The following ARHGAP24 variants were observed in gnomAD, a reference collection of about 807,000 sequenced individuals.
The protein encoded by ARHGAP24 is rho GTPase-activating protein 24.
In ARHGAP24, 50 loss-of-function variants were observed where a neutral mutation model predicts 76.4. The observed-to-expected ratio is 0.65, with a 90% CI of 0.52 to 0.83. The LOEUF is 0.83. Among genes scored for constraint, ARHGAP24 ranks in the 40% least tolerant of loss-of-function variants. ARHGAP24 has a pLI of 0.00. For missense variants in ARHGAP24, 930 were observed against 914.2 expected, an observed-to-expected ratio of 1.02 and a Z score of -0.22; for synonymous variants, 345 against 323.3, an observed-to-expected ratio of 1.07 and a Z score of -0.72.
chr4:85,749,073 C>G (rs1578194982), intron 3 of ARHGAP24, among the ~76,000 whole-genome samples: 2 of 152,272 alleles, frequency 1.3e-5, no homozygotes, highest in East Asian at 3.9e-4. Flanking sequence ...GAACAGGACT[C>G]CAGCCCAACA....
chr4:85,542,916 G>A (rs968237066), intron 1 of ARHGAP24, among the ~76,000 whole-genome samples: 8 of 151,602 alleles, frequency 5.3e-5, no homozygotes, highest in Non-Finnish European at 1.2e-4. Flanking sequence ...TCTATTTAAC[G>A]GGGTTATTGT....
intron 5 of ARHGAP24, among the ~76,000 whole-genome samples, chr4:85,945,943 A>T (rs1737241276): frequency 6.6e-6 from 1 of 152,112 alleles, no homozygotes; most frequent in African/African-American, 2.4e-5. Flanking sequence ...GGTAATTTAT[A>T]TAGGAAAAAG....
intron 4 of ARHGAP24, among the ~76,000 whole-genome samples, chr4:85,926,039 A>G (rs547075306): frequency 7.2e-6 from 1 of 138,648 alleles, no homozygotes; most frequent in African/African-American, 2.7e-5. Flanking sequence ...TCCATCTGTG[A>G]CTTCCTGAAA....
intron 3 of ARHGAP24, among the ~76,000 whole-genome samples, chr4:85,809,322 ATATAT>A (rs1320754228): frequency 3.3e-5 from 5 of 152,194 alleles, no homozygotes; most frequent in African/African-American, 9.7e-5. Flanking sequence ...TGGAGAATAA[ATATAT>A]TATTGTAAAA....
At chr4:85,677,436 A>G (rs1723023824) in intron 2 of ARHGAP24, among the ~76,000 whole-genome samples, 2 of 152,240 alleles carry the variant, frequency 1.3e-5, no homozygotes, top group Non-Finnish European at 2.9e-5. Context: ...TAATTAACCT[A>G]TTTCACATTC....
intron 3 of ARHGAP24, among the ~76,000 whole-genome samples, chr4:85,849,788 G>T (rs1381089723): frequency 1.3e-5 from 2 of 152,130 alleles, no homozygotes; most frequent in Non-Finnish European, 2.9e-5. Flanking sequence ...TTGCATCCCA[G>T]GGGTGAAGCC....
chr4:85,704,997 A>G (rs1724256755), intron 2 of ARHGAP24, among the ~76,000 whole-genome samples: 1 of 152,058 alleles, frequency 6.6e-6, no homozygotes, highest in Admixed American at 6.6e-5. Flanking sequence ...TTTCCTTTAG[A>G]TTTTGTTGCT....
rs533253775 is a variant in ARHGAP24, at chr4:85,973,980, C to A, written c.733-908C>A. Among the ~76,000 whole-genome samples, 4 of 149,130 alleles carry A rather than the reference C, an allele frequency of 2.7e-5. No individual in the cohort carries two copies. In the South Asian group the frequency reaches 6.5e-4, roughly 24 times the overall value. On this transcript the variant is annotated intron_variant, in intron 6 of 9. Transcript: ENST00000395184. ...GCCTCAGCCTCCCAAGTAGCTGGGA[C>A]TACAGGCGCCCGCCACCAAGCCTGG...
At chr4:85,655,976 T>A (rs962055751) in intron 2 of ARHGAP24, among the ~76,000 whole-genome samples, 3 of 151,990 alleles carry the variant, frequency 2.0e-5, no homozygotes, top group Non-Finnish European at 4.4e-5. Flanking sequence ...CACCTTTTTA[T>A]TGGGTTGCTT....
chr4:85,916,381 T>C (rs918733690), intron 3 of ARHGAP24, among the ~76,000 whole-genome samples: 11 of 152,188 alleles, frequency 7.2e-5, no homozygotes, highest in African/African-American at 2.7e-4. Context: ...ACTCTGATGA[T>C]AGCTTCTTCA....
intron 3 of ARHGAP24, among the ~76,000 whole-genome samples, chr4:85,860,963 G>A (rs1009466805): frequency 2.7e-5 from 4 of 149,934 alleles, no homozygotes; most frequent in Non-Finnish European, 1.5e-5. Flanking sequence ...GATTTTCTCA[G>A]TCCCTTATAA....
At chr4:85,650,823 TC>T (rs1468693305) in intron 2 of ARHGAP24, among the ~76,000 whole-genome samples, 2 of 149,418 alleles carry the variant, frequency 1.3e-5, no homozygotes, top group Admixed American at 6.6e-5. Flanking sequence ...AAAGTATTGA[TC>T]CTAAAGGAGG....
At chr4:85,551,213 A>G (rs1478637861) in intron 1 of ARHGAP24, among the ~76,000 whole-genome samples, 1 of 152,176 alleles carries the variant, frequency 6.6e-6, no homozygotes, top group African/African-American at 2.4e-5. Flanking sequence ...TTCAATGCCT[A>G]GTTTGTTGAG....
At chr4:85,837,719 T>G (rs141997281) in intron 3 of ARHGAP24, among the ~76,000 whole-genome samples, 24 of 152,190 alleles carry the variant, frequency 1.6e-4, no homozygotes, top group African/African-American at 5.5e-4. Flanking sequence ...TCCCCTAAAC[T>G]CCAGTGTCAG....
chr4:85,696,408 A>G (rs921439465), intron 2 of ARHGAP24, among the ~76,000 whole-genome samples: 1 of 152,134 alleles, frequency 6.6e-6, no homozygotes, highest in Admixed American at 6.5e-5. Flanking sequence ...ATGGGAAGAA[A>G]AGATATTTAC....
chr4:85,820,053 C>A (rs750407905), intron 3 of ARHGAP24, among the ~76,000 whole-genome samples: 1 of 152,132 alleles, frequency 6.6e-6, no homozygotes, highest in Non-Finnish European at 1.5e-5. Context: ...ACTATTACAA[C>A]AATTGTGAAA....
intron 1 of ARHGAP24, among the ~76,000 whole-genome samples, chr4:85,516,515 G>A (rs1487550230): frequency 6.6e-6 from 1 of 151,982 alleles, no homozygotes; most frequent in African/African-American, 2.4e-5. Context: ...ACTTACTGTA[G>A]TCATAATTTT....
intron 2 of ARHGAP24, among the ~76,000 whole-genome samples, chr4:85,644,679 C>A (rs919733364): frequency 6.6e-6 from 1 of 152,052 alleles, no homozygotes; most frequent in Admixed American, 6.6e-5. Flanking sequence ...ATGATAATGA[C>A]ATGTATGTAT....
At chr4:85,767,534 T>G (rs1726975535) in intron 3 of ARHGAP24, among the ~76,000 whole-genome samples, 1 of 152,004 alleles carries the variant, frequency 6.6e-6, no homozygotes, top group Non-Finnish European at 1.5e-5. Context: ...CCATAAACAC[T>G]GGAAACTTGA....
Sources: allele counts gnomAD v4.1 joint callset (sites outside exome capture counted in the v4.1 genomes callset), GRCh38; gene constraint gnomAD v4.1.1; transcripts MANE v1.5; gene names NCBI Gene and HGNC (gene_info 2026-07-23, HGNC 2026-07-21).